NLRP2B: variants seen among roughly 807,000 people sequenced by gnomAD.
NLRP2B encodes the protein NLR family pyrin domain-containing protein 2B.
For missense variants in NLRP2B, 25 were observed against 6.8 expected (o/e 3.70, Z -3.00); for synonymous variants, 16 against 3.5 (o/e 4.63, Z -4.03).
chrX:57,678,529 G>T lies in NLRP2B; in HGVS notation c.*1594C>A. 2 of 506,048 alleles carry T rather than the reference G, an allele frequency of 4.0e-6. No individual in the cohort carries two copies. Among genetic ancestry groups the T allele is most frequent in the Non-Finnish European group, 7.3e-6 (2 of 272,709 alleles). 41.7% of individuals were successfully genotyped at this position (506,048 alleles called of 1,213,427 possible). The stretch of plus-strand genomic sequence containing the variant: ...TCACAGTAATTCCTTTTTGATCTCC[G>T]GTGACATCAGGCAGCCCAAAGTGGT... On this transcript the variant is annotated 3_prime_UTR_variant, in exon 1 of 1. Transcript: ENST00000434992.
In NLRP2B at chrX:57,678,192, G is replaced by A. The variant is rs745978887; in HGVS notation, c.*1931C>T. ...TATTTGAGCCAAATATGGAACAAAG[G>A]TCGGTCCAGAAAGGAAGCATGTGTT... On this transcript the variant is annotated 3_prime_UTR_variant, in exon 1 of 1. Coordinates refer to ENST00000434992, the MANE Select transcript of NLRP2B (RefSeq NM_001319967.1). 4.6e-5 allele frequency: 24 copies of A among 520,590 alleles called. No homozygotes were observed. In the South Asian group the frequency reaches 6.0e-4, roughly 13 times the overall value. The allele number at this position is 520,590 out of a possible 1,213,427, so 42.9% of individuals were successfully genotyped here. A position where few individuals can be genotyped will look rare whatever the true frequency, so the allele number is the denominator to read the frequency against.
chrX:57,678,109 ATCCT>A lies in NLRP2B; in HGVS notation c.*2010_*2013del. 2.1e-6 allele frequency: 1 copy of A among 469,144 alleles called. No homozygotes were observed. Among genetic ancestry groups the A allele is most frequent in the Non-Finnish European group, 3.9e-6 (1 of 259,064 alleles). The allele number at this position is 469,144 out of a possible 1,213,427, so 38.7% of individuals were successfully genotyped here. ...GTCAGAAGCTATTTGTTCACACAGGATCCTTACTAATGTGGCACCAAGAAAGCTA... is the reference window on the plus strand; with the variant it reads ...GTCAGAAGCTATTTGTTCACACAGGATACTAATGTGGCACCAAGAAAGCTA... On this transcript the variant is annotated 3_prime_UTR_variant, in exon 1 of 1. Coordinates refer to ENST00000434992, the MANE Select transcript of NLRP2B (RefSeq NM_001319967.1).
chrX:57,678,288 T>A lies in NLRP2B; in HGVS notation c.*1835A>T. 1 of 542,343 alleles carries A rather than the reference T, an allele frequency of 1.8e-6. No individual in the cohort carries two copies. Among genetic ancestry groups the A allele is most frequent in the Admixed American group, 2.3e-5 (1 of 44,223 alleles). 44.7% of individuals were successfully genotyped at this position (542,343 alleles called of 1,213,427 possible). On this transcript the variant is annotated 3_prime_UTR_variant, in exon 1 of 1. Transcript: ENST00000434992. ...TGACATTCTCTGGGAGCTTTGCCTT[T>A]GCTGCCTGCAGTGGCATTTTCTGCA...
chrX:57,677,375 A>C lies in NLRP2B; in HGVS notation c.*2748T>G. On this transcript the variant is annotated 3_prime_UTR_variant, in exon 1 of 1. Coordinates refer to ENST00000434992, the MANE Select transcript of NLRP2B (RefSeq NM_001319967.1). ...CTGAACAGAGGGATGGAACACCCCC[A>C]CAACCACAGACATCTCAAGTTACAC... 1 of 357,567 alleles carries C rather than the reference A, an allele frequency of 2.8e-6. No individual in the cohort carries two copies. The highest frequency in any genetic ancestry group is 5.5e-6 in the Non-Finnish European group (1 of 182,728). 29.5% of individuals were successfully genotyped at this position (357,567 alleles called of 1,213,427 possible).
At position 57,679,724 on chromosome X, in the gene NLRP2B, C is replaced by T. The variant is rs746179071; in HGVS notation, c.*399G>A. 4.9e-6 allele frequency: 2 copies of T among 405,108 alleles called. No individual in the cohort carries two copies. The highest frequency in any genetic ancestry group is 3.5e-5 in the Admixed American group (1 of 28,587). 33.4% of individuals were successfully genotyped at this position (405,108 alleles called of 1,213,427 possible). On this transcript the variant is annotated 3_prime_UTR_variant, in exon 1 of 1. Transcript: ENST00000434992. ...TATCTCTGAGCCATAATATGGACCA[C>T]TTTGAGGTCTCCAGGCCAGGTTTTC...
In NLRP2B at chrX:57,677,957, C is replaced by T; in HGVS notation, c.*2166G>A. ...ACCTTACACAATGCAGGAAGCATAT[C>T]ATTCTGGTCATTGCCTTGAAGGGTC... On this transcript the variant is annotated 3_prime_UTR_variant, in exon 1 of 1. Transcript: ENST00000434992. 2 of 473,360 alleles carry T rather than the reference C, an allele frequency of 4.2e-6. No homozygotes were observed. Among genetic ancestry groups the T allele is most frequent in the Admixed American group, 2.8e-5 (1 of 36,359 alleles). The allele number at this position is 473,360 out of a possible 1,213,427, so 39.0% of individuals were successfully genotyped here.
Position 57,677,185 on chromosome X carries a change from A to T in NLRP2B, c.*2938T>A, listed in dbSNP as rs111439478. ...TTCTTCCAGCAGCTTATCGAGTTCA[A>T]CATTAAAGTCATCTATTTTCAACCT... On this transcript the variant is annotated 3_prime_UTR_variant, in exon 1 of 1. Transcript: ENST00000434992. 0.036 allele frequency: 13,131 copies of T among 365,978 alleles called. 1,426 individuals carry two copies. The highest frequency in any genetic ancestry group is 0.31 in the African/African-American group (11,891 of 38,038). The allele number at this position is 365,978 out of a possible 1,213,427, so 30.2% of individuals were successfully genotyped here. A position where few individuals can be genotyped will look rare whatever the true frequency, so the allele number is the denominator to read the frequency against.
chrX:57,678,880 A>G lies in NLRP2B; in HGVS notation c.*1243T>C. The G allele has an allele frequency of 2.6e-6, 1 of 379,080 alleles. No individual in the cohort carries two copies. The highest frequency in any genetic ancestry group is 4.7e-6 in the Non-Finnish European group (1 of 211,161). 31.2% of individuals were successfully genotyped at this position (379,080 alleles called of 1,213,427 possible). A position where few individuals can be genotyped will look rare whatever the true frequency, so the allele number is the denominator to read the frequency against. ...GAGCCTCGCCAAGTCCTCTCCACGGAACACTGACATCTGCGCCCACAGGCC... is the reference window on the plus strand; with the variant it reads ...GAGCCTCGCCAAGTCCTCTCCACGGGACACTGACATCTGCGCCCACAGGCC... On this transcript the variant is annotated 3_prime_UTR_variant, in exon 1 of 1. Transcript: ENST00000434992.
chrX:57,679,670 T>A lies in NLRP2B; in HGVS notation c.*453A>T. 2.2e-6 allele frequency: 1 copy of A among 454,381 alleles called. No individual in the cohort carries two copies. Among genetic ancestry groups the A allele is most frequent in the Non-Finnish European group, 4.0e-6 (1 of 253,075 alleles). 37.4% of individuals were successfully genotyped at this position (454,381 alleles called of 1,213,427 possible). A position where few individuals can be genotyped will look rare whatever the true frequency, so the allele number is the denominator to read the frequency against. ...TGTGGGCAGGGCCCGGGAAGCACCC[T>A]GGGGTTGCTGAACGGGATCAGCATC... On this transcript the variant is annotated 3_prime_UTR_variant, in exon 1 of 1. Transcript: ENST00000434992.
chrX:57,679,361 A>T lies in NLRP2B; in HGVS notation c.*762T>A. Reference sequence around the variant, plus strand: ...TTCTCCCAGTCCCCACAGATGTCCTAGATCAGTGCCCCAGGTGGGGCTCCC... The same window carrying T: ...TTCTCCCAGTCCCCACAGATGTCCTTGATCAGTGCCCCAGGTGGGGCTCCC... On this transcript the variant is annotated 3_prime_UTR_variant, in exon 1 of 1. Transcript: ENST00000434992. 1.5e-6 allele frequency: 1 copy of T among 657,246 alleles called. No individual in the cohort carries two copies. Among genetic ancestry groups the T allele is most frequent in the Non-Finnish European group, 2.5e-6 (1 of 402,384 alleles). The allele number at this position is 657,246 out of a possible 1,213,427, so 54.2% of individuals were successfully genotyped here.
chrX:57,677,221 A>T lies in NLRP2B; in HGVS notation c.*2902T>A. 1 of 383,855 alleles carries T rather than the reference A, an allele frequency of 2.6e-6. No individual in the cohort carries two copies. The highest frequency in any genetic ancestry group is 2.4e-5 in the South Asian group (1 of 42,168). The allele number at this position is 383,855 out of a possible 1,213,427, so 31.6% of individuals were successfully genotyped here. On this transcript the variant is annotated 3_prime_UTR_variant, in exon 1 of 1. Coordinates refer to ENST00000434992, the MANE Select transcript of NLRP2B (RefSeq NM_001319967.1). ...ATCTATTTTCAACCTGAGTGTCTGG[A>T]GGGTGCAATTTGGATGTGTCAAGGT...
In NLRP2B at chrX:57,679,328, G is replaced by C. The variant is rs749704547; in HGVS notation, c.*795C>G. 3.6e-6 allele frequency: 2 copies of C among 557,336 alleles called. No homozygotes were observed. The highest frequency in any genetic ancestry group is 6.2e-6 in the Non-Finnish European group (2 of 323,753). The allele number at this position is 557,336 out of a possible 1,213,427, so 45.9% of individuals were successfully genotyped here. A position where few individuals can be genotyped will look rare whatever the true frequency, so the allele number is the denominator to read the frequency against. ...AACCTCCCCAAGAAGACCGGCACCG[G>C]CTTCTGCTTCTCCCAGTCCCCACAG... On this transcript the variant is annotated 3_prime_UTR_variant, in exon 1 of 1. Coordinates refer to ENST00000434992, the MANE Select transcript of NLRP2B (RefSeq NM_001319967.1).
rs779236999 is a variant in NLRP2B at position 57,678,590 on chromosome X, C to T, written c.*1533G>A. ...TTGGCTTTCTTCTCGTTGGCGAAGC[C>T]GAATAAGAAGTGTCTTGCTTGGATC... is the stretch of plus-strand genomic sequence containing the variant. On this transcript the variant is annotated 3_prime_UTR_variant, in exon 1 of 1. Coordinates refer to ENST00000434992, the MANE Select transcript of NLRP2B (RefSeq NM_001319967.1). 4 of 479,671 alleles carry T rather than the reference C, an allele frequency of 8.3e-6. No homozygotes were observed. Among genetic ancestry groups the T allele is most frequent in the Non-Finnish European group, 1.5e-5 (4 of 260,969 alleles). 39.5% of individuals were successfully genotyped at this position (479,671 alleles called of 1,213,427 possible).
chrX:57,679,320 C>T lies in NLRP2B; in HGVS notation c.*803G>A, dbSNP rs149987954. 706 of 539,548 alleles carry T rather than the reference C, an allele frequency of 1.3e-3. 3 individuals are homozygous for T. The African/African-American group carries it at 0.014, about 11-fold the overall frequency. 44.5% of individuals were successfully genotyped at this position (539,548 alleles called of 1,213,427 possible). On this transcript the variant is annotated 3_prime_UTR_variant, in exon 1 of 1. Coordinates refer to ENST00000434992, the MANE Select transcript of NLRP2B (RefSeq NM_001319967.1). ...TCTTCAGTAACCTCCCCAAGAAGACCGGCACCGGCTTCTGCTTCTCCCAGT... is the reference window on the plus strand; with the variant it reads ...TCTTCAGTAACCTCCCCAAGAAGACTGGCACCGGCTTCTGCTTCTCCCAGT...
rs28470882 is a variant in NLRP2B, at chrX:57,678,708, C to A, written c.*1415G>T. 3.8e-3 allele frequency: 1,537 copies of A among 402,928 alleles called. 20 individuals are homozygous for A. Among genetic ancestry groups the A allele is most frequent in the African/African-American group, 0.035 (1,395 of 39,973 alleles). 33.2% of individuals were successfully genotyped at this position (402,928 alleles called of 1,213,427 possible). A position where few individuals can be genotyped will look rare whatever the true frequency, so the allele number is the denominator to read the frequency against. ...GGCCGTCCTTGTCCTCCTCCTCCTC[C>A]TCCTCCTCCTTCTCCAGGGCGTGGA... On this transcript the variant is annotated 3_prime_UTR_variant, in exon 1 of 1. Coordinates refer to ENST00000434992, the MANE Select transcript of NLRP2B (RefSeq NM_001319967.1).
Position 57,677,953 on chromosome X carries a change from A to C in NLRP2B, c.*2170T>G. 1 of 475,820 alleles carries C rather than the reference A, an allele frequency of 2.1e-6. No homozygotes were observed. Among genetic ancestry groups the C allele is most frequent in the Non-Finnish European group, 3.9e-6 (1 of 257,916 alleles). The allele number at this position is 475,820 out of a possible 1,213,427, so 39.2% of individuals were successfully genotyped here. A position where few individuals can be genotyped will look rare whatever the true frequency, so the allele number is the denominator to read the frequency against. ...CAAGACCTTACACAATGCAGGAAGC[A>C]TATCATTCTGGTCATTGCCTTGAAG... On this transcript the variant is annotated 3_prime_UTR_variant, in exon 1 of 1. Coordinates refer to ENST00000434992, the MANE Select transcript of NLRP2B (RefSeq NM_001319967.1).
chrX:57,678,194 C>G lies in NLRP2B; in HGVS notation c.*1929G>C, dbSNP rs1000305314. 2 of 521,896 alleles carry G rather than the reference C, an allele frequency of 3.8e-6. No individual in the cohort carries two copies. The highest frequency in any genetic ancestry group is 2.5e-5 in the South Asian group (1 of 40,413). The allele number at this position is 521,896 out of a possible 1,213,427, so 43.0% of individuals were successfully genotyped here. A position where few individuals can be genotyped will look rare whatever the true frequency, so the allele number is the denominator to read the frequency against. ...TTTGAGCCAAATATGGAACAAAGGT[C>G]GGTCCAGAAAGGAAGCATGTGTTGA... On this transcript the variant is annotated 3_prime_UTR_variant, in exon 1 of 1. Coordinates refer to ENST00000434992, the MANE Select transcript of NLRP2B (RefSeq NM_001319967.1).
In NLRP2B at chrX:57,678,165, C is replaced by T. The variant is rs2011726896; in HGVS notation, c.*1958G>A. 1 of 505,015 alleles carries T rather than the reference C, an allele frequency of 2.0e-6. No individual in the cohort carries two copies. The highest frequency in any genetic ancestry group is 3.6e-6 in the Non-Finnish European group (1 of 278,065). The allele number at this position is 505,015 out of a possible 1,213,427, so 41.6% of individuals were successfully genotyped here. A position where few individuals can be genotyped will look rare whatever the true frequency, so the allele number is the denominator to read the frequency against. ...TATTGATTTCTAGAATGATCAGATC[C>T]TTATTTGAGCCAAATATGGAACAAA... On this transcript the variant is annotated 3_prime_UTR_variant, in exon 1 of 1. Coordinates refer to ENST00000434992, the MANE Select transcript of NLRP2B (RefSeq NM_001319967.1).
chrX:57,679,542 C>T lies in NLRP2B; in HGVS notation c.*581G>A. 4.8e-6 allele frequency: 3 copies of T among 623,856 alleles called. No homozygotes were observed. Among genetic ancestry groups the T allele is most frequent in the Non-Finnish European group, 7.9e-6 (3 of 377,421 alleles). 51.4% of individuals were successfully genotyped at this position (623,856 alleles called of 1,213,427 possible). ...GCTCCTTGCAGGTGAGGTAGAAAGC[C>T]TATCTAAATTTCTGGCTGAGGTTGT... On this transcript the variant is annotated 3_prime_UTR_variant, in exon 1 of 1. Transcript: ENST00000434992.
Sources: allele counts gnomAD v4.1 joint callset, GRCh38; gene constraint gnomAD v4.1.1; transcripts MANE v1.5; gene names NCBI Gene and HGNC (gene_info 2026-07-23, HGNC 2026-07-21).